Variants in DPY19L2 observed in about 807,000 individuals in gnomAD.
DPY19L2 encodes the protein dpy-19 like 2, also known as probable C-mannosyltransferase DPY19L2.
Under a neutral mutation model 97.9 loss-of-function variants are expected in DPY19L2, and 34 were observed. The ratio of observed to expected loss-of-function variants is 0.35; its 90% CI spans 0.26 to 0.46. The LOEUF (loss-of-function observed/expected upper bound fraction) is 0.46. DPY19L2 is among the 20% of genes least tolerant of loss of function. The probability of loss-of-function intolerance (pLI) is 1.00; values close to 1 mark genes in which losing one functional copy is unlikely to be tolerated. For synonymous variants in DPY19L2, 230 were observed against 307.9 expected (o/e 0.75, Z 2.65); for missense variants, 623 against 911.4 (o/e 0.68, Z 4.07).
In DPY19L2 at chr12:63,567,333, T is replaced by A. The variant is rs572770417; in HGVS notation, c.2126+1891A>T. ...TCTAGGCTTGCCATTATGCTCTTTT[T>A]TTCCCCACTGTTTTATTTATTTTTT... On this transcript the variant is annotated intron_variant, in intron 21 of 21. Transcript: ENST00000324472. Among the ~76,000 whole-genome samples the A allele has an allele frequency of 2.2e-4, 33 of 152,044 alleles. 1 individual carries two copies. The highest frequency in any genetic ancestry group is 7.7e-4 in the African/African-American group (32 of 41,418).
In DPY19L2 at chr12:63,559,709, A is replaced by G. The variant is rs1415308978; in HGVS notation, c.*803T>C. On this transcript the variant is annotated 3_prime_UTR_variant, in exon 22 of 22. Coordinates refer to ENST00000324472, the MANE Select transcript of DPY19L2 (RefSeq NM_173812.5). ...AGGATCTGAAAATCTCACTTCATAAATTTAACTGGATTTTCTTTTCTGATT... is the reference window on the plus strand; with the variant it reads ...AGGATCTGAAAATCTCACTTCATAAGTTTAACTGGATTTTCTTTTCTGATT... 6.6e-6 allele frequency: 1 copy of G among 152,128 alleles called. No individual in the cohort carries two copies. The highest frequency in any genetic ancestry group is 1.5e-5 in the Non-Finnish European group (1 of 68,022). The allele number at this position is 152,128 out of a possible 1,614,324, so 9.4% of individuals were successfully genotyped here.
At chr12:63,593,799 TAA>T (rs58893287) in intron 16 of DPY19L2, among the ~76,000 whole-genome samples, 7 of 151,256 alleles carry the variant, frequency 4.6e-5, no homozygotes, top group Non-Finnish European at 5.9e-5. Flanking sequence ...ATAATAAAAA[TAA>T]AAAAAAATAA....
chr12:63,655,845 C>T lies in DPY19L2; in HGVS notation c.588+5499G>A, dbSNP rs141765561. Among the ~76,000 whole-genome samples, 1,094 of 152,132 alleles carry T rather than the reference C, an allele frequency of 7.2e-3. 22 individuals are homozygous for T. The highest frequency in any genetic ancestry group is 0.025 in the African/African-American group (1,046 of 41,476). ...ACTCTTGCTAATCTTTTGTCAGCAC[C>T]TTATGAGGTCTGTGTTAAAATGTCT... On this transcript the variant is annotated intron_variant, in intron 4 of 21. Transcript: ENST00000324472.
intron 6 of DPY19L2, among the ~76,000 whole-genome samples, chr12:63,636,273 GGA>G (rs1250925288): frequency 6.6e-6 from 1 of 152,096 alleles, no homozygotes. Flanking sequence ...AGCTCCTGAA[GGA>G]AGCACTAAAT....
chr12:63,599,271 ATAAATAAATAACTTAGAAGGCC>A (rs1334586849), intron 13 of DPY19L2, among the ~76,000 whole-genome samples: 2 of 152,102 alleles, frequency 1.3e-5, no homozygotes, highest in African/African-American at 4.8e-5. Context: ...AACTTAACAG[ATAAATAAATAACTTAGAAGGCC>A]TAAATAAAGT....
intron 8 of DPY19L2, 61 bp downstream of exon 8, chr12:63,623,979 A>G: frequency 1.5e-6 from 2 of 1,332,412 alleles, no homozygotes; most frequent in Non-Finnish European, 2.1e-6. Context: ...GCTGAATTGA[A>G]GTATATTTTA....
chr12:63,633,343 C>T (rs1891056533), intron 6 of DPY19L2, among the ~76,000 whole-genome samples: 1 of 152,082 alleles, frequency 6.6e-6, no homozygotes, highest in African/African-American at 2.4e-5. Context: ...CCAGAATCTA[C>T]AATGAACTCA....
intron 7 of DPY19L2, among the ~76,000 whole-genome samples, chr12:63,624,550 C>T (rs1889212837): frequency 1.3e-5 from 2 of 151,976 alleles, no homozygotes; most frequent in Admixed American, 1.3e-4. Context: ...TTTGCAAGCA[C>T]CAAGAGAGTT....
At position 63,573,193 on chromosome 12, in the gene DPY19L2, G is replaced by A. The variant is rs185641561; in HGVS notation, c.1901-2336C>T. ...AATAGCCGTGCTGAGGAAAGTCAACGAAATTCAAGATAACACAGAGAAGGA... is the reference window on the plus strand; with the variant it reads ...AATAGCCGTGCTGAGGAAAGTCAACAAAATTCAAGATAACACAGAGAAGGA... On this transcript the variant is annotated intron_variant, in intron 19 of 21. Coordinates refer to ENST00000324472, the MANE Select transcript of DPY19L2 (RefSeq NM_173812.5). Among the ~76,000 whole-genome samples the A allele has an allele frequency of 1.8e-3, 277 of 152,110 alleles. 4 individuals are homozygous for A. Among genetic ancestry groups the A allele is most frequent in the Admixed American group, 0.015 (229 of 15,290 alleles).
chr12:63,668,379 T>C lies in DPY19L2; in HGVS notation c.15A>G (p.Gly5=). ...AAGATTGCAGCCGCTTTGAGCTTACTCCTTGTTTTCTCATAATCAAGGAGT... is the reference window on the plus strand; with the variant it reads ...AAGATTGCAGCCGCTTTGAGCTTACCCCTTGTTTTCTCATAATCAAGGAGT... MRKQ[G]VSSKRLQSSG... is the part of the protein sequence containing the mutation. Residue 5 remains glycine (G), a synonymous_variant, in exon 1 of 22, where the codon GGA becomes GGG. Transcript: ENST00000324472. 6.2e-7 allele frequency: 1 copy of C among 1,612,000 alleles called. No homozygotes were observed. Among genetic ancestry groups the C allele is most frequent in the Non-Finnish European group, 8.5e-7 (1 of 1,179,306 alleles).
chr12:63,606,442 G>T (rs1229636769), intron 12 of DPY19L2, among the ~76,000 whole-genome samples: 1 of 151,928 alleles, frequency 6.6e-6, no homozygotes, highest in Non-Finnish European at 1.5e-5. Flanking sequence ...ATTATAAATG[G>T]GTGTTCAATT....
At chr12:63,654,510 A>G (rs1489225497) in intron 4 of DPY19L2, among the ~76,000 whole-genome samples, 1 of 152,144 alleles carries the variant, frequency 6.6e-6, no homozygotes, top group Non-Finnish European at 1.5e-5. Context: ...TAAGTGGCCA[A>G]TTGGTAAACA....
At chr12:63,592,369 C>T (rs1160163765) in intron 16 of DPY19L2, among the ~76,000 whole-genome samples, 15 of 149,858 alleles carry the variant, frequency 1.0e-4, no homozygotes, top group African/African-American at 2.0e-4. Flanking sequence ...GGAGGCATCA[C>T]GCTACCTGAC....
At chr12:63,653,046 AGAG>A (rs1894482097) in intron 4 of DPY19L2, among the ~76,000 whole-genome samples, 1 of 151,958 alleles carries the variant, frequency 6.6e-6, no homozygotes, top group African/African-American at 2.4e-5. Context: ...GGATGGCGCA[AGAG>A]GAGAATGGCA....
intron 6 of DPY19L2, among the ~76,000 whole-genome samples, chr12:63,639,696 A>G (rs1184415400): frequency 6.6e-6 from 1 of 152,138 alleles, no homozygotes; most frequent in Non-Finnish European, 1.5e-5. Flanking sequence ...AAAAGTCAGG[A>G]AACAACAGGT....
rs1320751047 is a variant in DPY19L2 at position 63,639,775 on chromosome 12, C to T, written c.803+4628G>A. Among the ~76,000 whole-genome samples, 34 of 152,182 alleles carry T rather than the reference C, an allele frequency of 2.2e-4. No homozygotes were observed. In the South Asian group the frequency reaches 6.0e-3, roughly 27 times the overall value. On this transcript the variant is annotated intron_variant, in intron 6 of 21. Transcript: ENST00000324472. Reference sequence around the variant, plus strand: ...GTGGGACTGTAAACTAGTTCAACCACTGTGGAAGACAGTGTGGCAATTCCT... The same window carrying T: ...GTGGGACTGTAAACTAGTTCAACCATTGTGGAAGACAGTGTGGCAATTCCT...
intron 13 of DPY19L2, 91 bp downstream of exon 13, chr12:63,600,215 T>G: frequency 9.1e-7 from 1 of 1,100,100 alleles, no homozygotes; most frequent in Non-Finnish European, 1.4e-6. Flanking sequence ...TTAACCTCTG[T>G]AAAATGAAGA....
chr12:63,568,878 A>G (rs1478608495), intron 21 of DPY19L2, among the ~76,000 whole-genome samples: 20 of 152,058 alleles, frequency 1.3e-4, no homozygotes, highest in African/African-American at 4.3e-4. Flanking sequence ...TAATTCAGCT[A>G]TAATACAGAA....
At chr12:63,564,018 C>T (rs1179791369) in intron 21 of DPY19L2, among the ~76,000 whole-genome samples, 1 of 152,040 alleles carries the variant, frequency 6.6e-6, no homozygotes, top group East Asian at 1.9e-4. Context: ...TCTATTTTGT[C>T]CTACTTAGTG....
Sources: gnomAD v4.1 joint callset for allele counts (sites outside exome capture counted in the v4.1 genomes callset) on GRCh38, gnomAD v4.1.1 for gene constraint, MANE v1.5 for transcripts, NCBI Gene and HGNC (gene_info 2026-07-23, HGNC 2026-07-21) for gene names.